CDH13: variants seen among roughly 807,000 people sequenced by gnomAD.
CDH13 encodes cadherin-13.
CDH13 carries 24 observed loss-of-function variants against 63.8 expected under a neutral mutation model. The observed-to-expected ratio is 0.38, with a 90% CI of 0.27 to 0.53. The LOEUF (loss-of-function observed/expected upper bound fraction) is 0.53, where lower values mean the gene tolerates loss of function less well. Among genes scored for constraint, CDH13 ranks in the 20% least tolerant of loss-of-function variants. The pLI is 0.85. For missense variants in CDH13, 1,049 were observed against 903.1 expected, an observed-to-expected ratio of 1.16 and a Z score of -2.07; for synonymous variants, 503 against 355.3, an observed-to-expected ratio of 1.42 and a Z score of -4.67.
intron 7 of CDH13, among the ~76,000 whole-genome samples, chr16:83,599,306 T>G (rs1223668311): frequency 6.6e-6 from 1 of 152,202 alleles, no homozygotes; most frequent in Non-Finnish European, 1.5e-5. Context: ...TCTCCCAATT[T>G]GCTTCACCGC....
intron 11 of CDH13, among the ~76,000 whole-genome samples, 169 bp downstream of exon 11, chr16:83,748,419 C>T (rs1912790187): frequency 6.6e-6 from 1 of 152,304 alleles, no homozygotes; most frequent in South Asian, 2.1e-4. Flanking sequence ...AGTAATATCT[C>T]CAAGTCCCAG....
intron 2 of CDH13, among the ~76,000 whole-genome samples, chr16:82,945,086 C>G (rs537210166): frequency 5.0e-4 from 76 of 152,144 alleles, no homozygotes; most frequent in African/African-American, 1.7e-3. Flanking sequence ...TTTTTGTTAT[C>G]CATGAGGAGA....
In CDH13 at chr16:83,242,612, A is replaced by T. The variant is rs187495914; in HGVS notation, c.636+25115A>T. Among the ~76,000 whole-genome samples, 50 of 152,318 alleles carry T rather than the reference A, an allele frequency of 3.3e-4. No homozygotes were observed. The East Asian group carries it at 9.3e-3, about 28-fold the overall frequency. The stretch of plus-strand genomic sequence containing the variant: ...TCACTTGCAAGATTGAAGAAGGCTC[A>T]TGGAGTTAGATCAGTGGAAGAGAAG... On this transcript the variant is annotated intron_variant, in intron 5 of 13. Coordinates refer to ENST00000567109, the MANE Select transcript of CDH13 (RefSeq NM_001257.5).
chr16:83,578,564 G>A (rs936554663), intron 7 of CDH13, among the ~76,000 whole-genome samples: 1 of 152,190 alleles, frequency 6.6e-6, no homozygotes, highest in Non-Finnish European at 1.5e-5. Flanking sequence ...GGCAGGTCCA[G>A]TTTGGAGAGG....
At chr16:82,867,677 A>G (rs901990484) in intron 2 of CDH13, among the ~76,000 whole-genome samples, 3 of 152,222 alleles carry the variant, frequency 2.0e-5, no homozygotes, top group Non-Finnish European at 4.4e-5. Context: ...AAATCAAGCA[A>G]GGAACTTGAA....
intron 5 of CDH13, among the ~76,000 whole-genome samples, chr16:83,254,905 G>A (rs139535927): frequency 1.2e-4 from 18 of 152,276 alleles, no homozygotes; most frequent in African/African-American, 4.3e-4. Flanking sequence ...AAACTCATCT[G>A]TCTAAAAACA....
intron 10 of CDH13, among the ~76,000 whole-genome samples, chr16:83,686,496 T>C (rs1487769272): frequency 2.0e-5 from 3 of 152,160 alleles, no homozygotes; most frequent in Non-Finnish European, 2.9e-5. Flanking sequence ...TTAATAAATA[T>C]CAACTGCCCA....
chr16:83,597,549 A>G (rs771341140), intron 7 of CDH13, among the ~76,000 whole-genome samples: 5 of 152,174 alleles, frequency 3.3e-5, no homozygotes, highest in Non-Finnish European at 7.4e-5. Flanking sequence ...GGGTTGGGCA[A>G]GGGTGGAGGA....
At chr16:82,922,912 C>T (rs1052370509) in intron 2 of CDH13, among the ~76,000 whole-genome samples, 2 of 152,044 alleles carry the variant, frequency 1.3e-5, no homozygotes, top group Admixed American at 1.3e-4. Flanking sequence ...CAGACAACGG[C>T]AATCAAGGAA....
chr16:83,730,065 G>T (rs995942024), intron 10 of CDH13, among the ~76,000 whole-genome samples: 2 of 152,220 alleles, frequency 1.3e-5, no homozygotes, highest in Non-Finnish European at 2.9e-5. Flanking sequence ...CGTATGTGTT[G>T]TCATCTTGTC....
intron 2 of CDH13, among the ~76,000 whole-genome samples, chr16:82,936,472 C>A (rs533472595): frequency 6.6e-6 from 1 of 152,250 alleles, no homozygotes; most frequent in African/African-American, 2.4e-5. Flanking sequence ...CACCCACCAA[C>A]TTTCCCCATC....
chr16:83,088,208 A>C (rs1371660787), intron 3 of CDH13, among the ~76,000 whole-genome samples: 5 of 152,196 alleles, frequency 3.3e-5, no homozygotes, highest in African/African-American at 1.2e-4. Context: ...GTGTTGACAC[A>C]TTGCAGATTC....
chr16:83,563,456 C>T (rs576732248), intron 7 of CDH13, among the ~76,000 whole-genome samples: 1 of 152,284 alleles, frequency 6.6e-6, no homozygotes, highest in South Asian at 2.1e-4. Context: ...CAAAGAATGA[C>T]TTTGAGCAAA....
intron 10 of CDH13, among the ~76,000 whole-genome samples, chr16:83,688,771 A>T (rs572554163): frequency 1.3e-5 from 2 of 152,176 alleles, no homozygotes; most frequent in African/African-American, 4.8e-5. Context: ...TTTATTGCCT[A>T]TTCTGCTGTG....
At chr16:82,809,284 G>A (rs1355686292) in intron 1 of CDH13, among the ~76,000 whole-genome samples, 1 of 146,502 alleles carries the variant, frequency 6.8e-6, no homozygotes, top group African/African-American at 2.5e-5. Flanking sequence ...TCACAAGTGA[G>A]TTTGACCACC....
chr16:83,508,810 G>T (rs1314757848), intron 7 of CDH13, among the ~76,000 whole-genome samples: 1 of 152,238 alleles, frequency 6.6e-6, no homozygotes, highest in East Asian at 1.9e-4. Flanking sequence ...CAGAGAGCTA[G>T]CTGGATCCAT....
At chr16:82,717,215 C>T (rs1190192906) in intron 1 of CDH13, among the ~76,000 whole-genome samples, 1 of 151,994 alleles carries the variant, frequency 6.6e-6, no homozygotes, top group East Asian at 1.9e-4. Flanking sequence ...CCCAGAGATG[C>T]ATAAGAGGAT....
At chr16:83,712,661 T>G (rs1317368503) in intron 10 of CDH13, among the ~76,000 whole-genome samples, 1 of 152,206 alleles carries the variant, frequency 6.6e-6, no homozygotes, top group South Asian at 2.1e-4. Context: ...ATTTTACTTA[T>G]GTTATTCAAT....
intron 1 of CDH13, among the ~76,000 whole-genome samples, chr16:82,640,682 C>T (rs190087174): frequency 6.6e-6 from 1 of 152,192 alleles, no homozygotes; most frequent in East Asian, 1.9e-4. Flanking sequence ...CAGAGGCCAG[C>T]GAGGGGAACC....
Sources: allele counts gnomAD v4.1 joint callset (sites outside exome capture counted in the v4.1 genomes callset), GRCh38; gene constraint gnomAD v4.1.1; transcripts MANE v1.5; gene names NCBI Gene and HGNC (gene_info 2026-07-23, HGNC 2026-07-21).